The following DQX1 variants were observed in gnomAD, a reference collection of about 807,000 sequenced individuals.
DQX1 encodes ATP-dependent RNA helicase homolog DQX1.
A neutral mutation model predicts 81.3 loss-of-function variants in DQX1; 66 were observed. The ratio of observed to expected loss-of-function variants is 0.81; its 90% CI spans 0.67 to 1.00. The LOEUF (loss-of-function observed/expected upper bound fraction) is 1.00, where lower values mean the gene tolerates loss of function less well. Among genes scored for constraint, DQX1 ranks in the 50% least tolerant of loss-of-function variants. The pLI is 0.00. For synonymous variants in DQX1, 290 were observed against 350.0 expected, an observed-to-expected ratio of 0.83 and a Z score of 1.91; for missense variants, 798 against 867.9, an observed-to-expected ratio of 0.92 and a Z score of 1.01.
chr2:74,522,796 G>T, intron 7 of DQX1, 25 bp from the exon 8 acceptor site: 1 of 1,613,398 alleles, frequency 6.2e-7, no homozygotes, highest in Non-Finnish European at 8.5e-7. Context: ...GGGCTTACAG[G>T]ATATGAAGTT....
chr2:74,519,518 C>T (rs200935798), intron 10 of DQX1, 38 bp downstream of exon 10: 15 of 1,597,124 alleles, frequency 9.4e-6, no homozygotes, highest in Admixed American at 1.7e-5. Flanking sequence ...TTGCCTTTTG[C>T]TCCTTTGATC....
Position 74,522,623 on chromosome 2 carries a change from A to G in DQX1, c.1452T>C (p.Phe484=), listed in dbSNP as rs1483313915. ...GGGTGAGCATCTCGTCCACACAGTC[A>G]AACTCGCATGAGGCCAGCAGGGCTT... The part of the protein sequence containing the change: ...LAKALLASCE[F]DCVDEMLTLA... The change falls in exon 8 of 12, where the codon TTT becomes TTC. Residue 484 remains phenylalanine, a synonymous_variant. Coordinates refer to ENST00000404568, the MANE Select transcript of DQX1 (RefSeq NM_133637.3). 3.1e-6 allele frequency: 5 copies of G among 1,614,210 alleles called. No homozygotes were observed. Among genetic ancestry groups the G allele is most frequent in the Non-Finnish European group, 4.2e-6 (5 of 1,180,038 alleles).
intron 11 of DQX1, 42 bp downstream of exon 11, chr2:74,518,998 G>A: frequency 6.7e-7 from 1 of 1,488,640 alleles, no homozygotes; most frequent in Non-Finnish European, 8.9e-7. Context: ...TTGGCCCCAG[G>A]GAGAGGAATA....
rs565138763 is a variant in DQX1, at chr2:74,518,154, A to G, written c.*292T>C. The G allele has an allele frequency of 1.2e-4, 36 of 308,870 alleles. No homozygotes were observed. The highest frequency in any genetic ancestry group is 9.3e-4 in the Middle Eastern group (1 of 1,070). The allele number at this position is 308,870 out of a possible 1,614,324, so 19.1% of individuals were successfully genotyped here. On this transcript the variant is annotated 3_prime_UTR_variant, in exon 12 of 12. Transcript: ENST00000404568. ...ACTTGGCATCATAGAAAAATCTTTT[A>G]TAGATCACAAGGGAGTACAAGAATG...
In DQX1 at chr2:74,520,028, G is replaced by A; in HGVS notation, c.1502C>T (p.Pro501Leu). The A allele has an allele frequency of 6.2e-7, 1 of 1,612,348 alleles. No individual in the cohort carries two copies. Among genetic ancestry groups the A allele is most frequent in the Non-Finnish European group, 8.5e-7 (1 of 1,178,574 alleles). Residue 501 changes from proline (P) to leucine (L), a missense_variant, in exon 9 of 12, where the codon CCT (proline) becomes CTT (leucine). By Grantham distance (98) the Pro-to-Leu change is moderately conservative. Transcript: ENST00000404568. ...ACTGAGTGGAGGACGGGTAAACCCA[G>A]GGGCAGCTGGAGGCAGAAGAGTGGA... ...LTLAAMLTAA[P>L]GFTRPPLSAE...
In DQX1 at chr2:74,523,903, T is replaced by C; in HGVS notation, c.816+20A>G. 1 of 1,528,976 alleles carries C rather than the reference T, an allele frequency of 6.5e-7. No individual in the cohort carries two copies. Among genetic ancestry groups the C allele is most frequent in the Admixed American group, 2.2e-5 (1 of 44,686 alleles). The allele number at this position is 1,528,976 out of a possible 1,614,324, so 94.7% of individuals were successfully genotyped here. On this transcript the variant is annotated intron_variant, in intron 4 of 11. Coordinates refer to ENST00000404568, the MANE Select transcript of DQX1 (RefSeq NM_133637.3). ...GGCTCATTTTGCAGGCTGTTTTTTT[T>C]GTTTTGTTTTGTTTTTTACCTCCTC...
chr2:74,519,221 C>G lies in DQX1; in HGVS notation c.1816G>C (p.Asp606His). 6.4e-7 allele frequency: 1 copy of G among 1,556,846 alleles called. No individual in the cohort carries two copies. The highest frequency in any genetic ancestry group is 8.7e-7 in the Non-Finnish European group (1 of 1,152,290). Residue 606 changes from aspartate (D) to histidine (H), a missense_variant, in exon 11 of 12, where the codon GAC becomes CAC. Transcript: ENST00000404568. The stretch of plus-strand genomic sequence containing the variant: ...AGGTAATTTCCAGTCCCGTCTGTGT[C>G]TCTGGCCACCTTATTGAAAGGCAGA... ...VSGYFLKVAR[D>H]TDGTGNYLLL...
chr2:74,519,635 G>A lies in DQX1; in HGVS notation c.1727C>T (p.Pro576Leu). The A allele has an allele frequency of 6.2e-7, 1 of 1,614,238 alleles. No individual in the cohort carries two copies. The highest frequency in any genetic ancestry group is 8.5e-7 in the Non-Finnish European group (1 of 1,180,040). The change falls in exon 10 of 12, where the codon CCC becomes CTC. Residue 576 changes from proline (P) to leucine (L), a missense_variant. By Grantham distance (98) the Pro-to-Leu change is moderately conservative. Coordinates refer to ENST00000404568, the MANE Select transcript of DQX1 (RefSeq NM_133637.3). ...AGAGCCAAAGGCTGGTAGGGACAAG[G>A]GAAGTTCAATTCGTTGCATGAGTTC... ...LLELMQRIEL[P>L]LSLPAFGSEQ...
At position 74,524,296 on chromosome 2, in the gene DQX1, T is replaced by G; in HGVS notation, c.443A>C (p.Asp148Ala). The G allele has an allele frequency of 6.2e-7, 1 of 1,611,388 alleles. No homozygotes were observed. The highest frequency in any genetic ancestry group is 8.5e-7 in the Non-Finnish European group (1 of 1,179,344). ...GPNTLLRFCW[D>A]RLLLQEVAST... ...GGCCACCTCCTGCAGAAGCAGCCTG[T>G]CCCAGCAGAACCTGTTGACATTGGT... Residue 148 changes from aspartate (D) to alanine (A), a missense_variant, in exon 4 of 12, where the codon GAC (aspartate) becomes GCC (alanine). Coordinates refer to ENST00000404568, the MANE Select transcript of DQX1 (RefSeq NM_133637.3).
rs150420269 is a variant in DQX1, at chr2:74,523,140, G to A, written c.1123C>T (p.Arg375Ter). 32 of 1,614,042 alleles carry A rather than the reference G, an allele frequency of 2.0e-5. No individual in the cohort carries two copies. Among genetic ancestry groups the A allele is most frequent in the Non-Finnish European group, 2.5e-5 (29 of 1,180,034 alleles). ...SKCQAEARRL[R>*]ARGFPPGSCL... ...TTACCTGGTGGGAACCCTCTTGCTCGCAATCGTCTTGCCTCTGCCTGACAC... is the reference window on the plus strand; with the variant it reads ...TTACCTGGTGGGAACCCTCTTGCTCACAATCGTCTTGCCTCTGCCTGACAC... Residue 375 changes from arginine to a stop codon, truncating the protein, a stop_gained, in exon 6 of 12, where the codon CGA becomes TGA. Transcript: ENST00000404568. LOFTEE classifies it high-confidence loss of function.
intron 9 of DQX1, 74 bp downstream of exon 9, chr2:74,519,841 G>A (rs1674979987): frequency 1.2e-5 from 20 of 1,602,288 alleles, no homozygotes; most frequent in Non-Finnish European, 1.7e-5. Flanking sequence ...TGAGCATAGA[G>A]ATCTGTCAGC....
At chr2:74,521,907 G>T (rs1386325300) in intron 8 of DQX1, among the ~76,000 whole-genome samples, 2 of 152,154 alleles carry the variant, frequency 1.3e-5, no homozygotes, top group African/African-American at 4.8e-5. Flanking sequence ...AAGGCTAAAG[G>T]TAGCACTTCA....
In DQX1 at chr2:74,523,357, G is replaced by A; in HGVS notation, c.997C>T (p.Leu333Phe). Residue 333 changes from leucine to phenylalanine, a missense_variant, in exon 5 of 12, where the codon CTC becomes TTC. Physicochemically the swap from Leu to Phe is conservative, Grantham distance 22 (BLOSUM62 0). Coordinates refer to ENST00000404568, the MANE Select transcript of DQX1 (RefSeq NM_133637.3). ...TCGATGACATGTTGGATGGAAGGGA[G>A]GGAGAAGGAGAAGTCAGCCAGCCAG... Reference protein sequence around the residue: ...THWLADFSFSLPSIQHVIDSG... With the variant: ...THWLADFSFSFPSIQHVIDSG... 1 of 1,614,214 alleles carries A rather than the reference G, an allele frequency of 6.2e-7. No homozygotes were observed. Among genetic ancestry groups the A allele is most frequent in the East Asian group, 2.2e-5 (1 of 44,884 alleles).
rs2286924 is a variant in DQX1 at position 74,518,165 on chromosome 2, G to C, written c.*281C>G. ...TAGAAAAATCTTTTATAGATCACAAGGGAGTACAAGAATGGGTTTGGCAAA... is the reference window on the plus strand; with the variant it reads ...TAGAAAAATCTTTTATAGATCACAACGGAGTACAAGAATGGGTTTGGCAAA... On this transcript the variant is annotated 3_prime_UTR_variant, in exon 12 of 12. Transcript: ENST00000404568. The C allele has an allele frequency of 2.6e-4, 97 of 366,368 alleles. No homozygotes were observed. In the East Asian group the frequency reaches 4.0e-3, roughly 15 times the overall value. 22.7% of individuals were successfully genotyped at this position (366,368 alleles called of 1,614,324 possible). A position where few individuals can be genotyped will look rare whatever the true frequency, so the allele number is the denominator to read the frequency against.
intron 3 of DQX1, 140 bp downstream of exon 3, chr2:74,524,869 T>G: frequency 8.8e-7 from 1 of 1,131,342 alleles, no homozygotes; most frequent in African/African-American, 1.6e-5. Flanking sequence ...GGTGACAGAG[T>G]GAGACCCTTT....
At position 74,522,650 on chromosome 2, in the gene DQX1, G is replaced by C; in HGVS notation, c.1425C>G (p.Ala475=). Residue 475 remains alanine, a synonymous_variant, in exon 8 of 12, where the codon GCC becomes GCG. Coordinates refer to ENST00000404568, the MANE Select transcript of DQX1 (RefSeq NM_133637.3). ...ACTCGCATGAGGCCAGCAGGGCTTT[G>C]GCCAGCTCAGGGGCCAGAGGGAATT... ...LSEFPLAPEL[A]KALLASCEFD... 6.2e-7 allele frequency: 1 copy of C among 1,614,198 alleles called. No homozygotes were observed. The highest frequency in any genetic ancestry group is 1.3e-5 in the African/African-American group (1 of 75,034).
At position 74,524,009 on chromosome 2, in the gene DQX1, G is replaced by A. The variant is rs369001474; in HGVS notation, c.730C>T (p.Arg244Trp). The A allele has an allele frequency of 9.3e-6, 15 of 1,614,010 alleles. No homozygotes were observed. Among genetic ancestry groups the A allele is most frequent in the African/African-American group, 1.3e-5 (1 of 74,900 alleles). ...ACTGCTTGGCAGGCAGCTTCCACCCGATCAGGTGGGATGGTGTCCCAGTAG... is the reference window on the plus strand; with the variant it reads ...ACTGCTTGGCAGGCAGCTTCCACCCAATCAGGTGGGATGGTGTCCCAGTAG... ...PIYWDTIPPD[R>W]VEAACQAVLE... Residue 244 changes from arginine (R) to tryptophan (W), a missense_variant, in exon 4 of 12, where the codon CGG (arginine) becomes TGG (tryptophan). Physicochemically the swap from Arg to Trp is moderately radical, Grantham distance 101. Coordinates refer to ENST00000404568, the MANE Select transcript of DQX1 (RefSeq NM_133637.3).
Position 74,525,002 on chromosome 2 carries a change from C to A in DQX1, c.431+7G>T. ...TATATTCGGGTAAGGCCTGCAGAGG[C>A]CCCCACCTGAGCAGGGTGTTGGGCC... On this transcript the variant is annotated splice_region_variant and intron_variant, in intron 3 of 11. Transcript: ENST00000404568. This position sits in a 1 kb window ranked among gnomAD's most constrained non-coding sequence, Gnocchi z 4.1. The A allele has an allele frequency of 6.2e-7, 1 of 1,610,364 alleles. No homozygotes were observed. The highest frequency in any genetic ancestry group is 8.5e-7 in the Non-Finnish European group (1 of 1,177,896).
At chr2:74,521,649 G>T (rs1197095270) in intron 8 of DQX1, among the ~76,000 whole-genome samples, 1 of 122,164 alleles carries the variant, frequency 8.2e-6, no homozygotes, top group Non-Finnish European at 1.7e-5. Context: ...GACTTTGTCT[G>T]AAAAAAAAAA....
Sources: gnomAD v4.1 joint callset for allele counts (sites outside exome capture counted in the v4.1 genomes callset) on GRCh38, gnomAD v4.1.1 for gene constraint, Gnocchi (gnomAD v3.1) non-coding constraint, MANE v1.5 for transcripts, NCBI Gene and HGNC (gene_info 2026-07-23, HGNC 2026-07-21) for gene names.